The following ZBTB40 variants were observed in gnomAD, a reference collection of about 807,000 sequenced individuals.
ZBTB40 encodes the protein zinc finger and BTB domain-containing protein 40.
A neutral mutation model predicts 117.5 loss-of-function variants in ZBTB40; 60 were observed. The observed-to-expected ratio is 0.51, with a 90% CI of 0.41 to 0.63. The LOEUF (loss-of-function observed/expected upper bound fraction) is 0.63. ZBTB40 is among the 30% of genes least tolerant of loss of function. The pLI, the probability that ZBTB40 is intolerant of heterozygous loss-of-function variation, is 0.00. For synonymous variants in ZBTB40, 525 were observed against 577.1 expected (o/e 0.91, Z 1.29); for missense variants, 1,287 against 1,498.5 (o/e 0.86, Z 2.33).
At chr1:22,454,853 C>T (rs1326930699) in intron 1 of ZBTB40, among the ~76,000 whole-genome samples, 1 of 152,216 alleles carries the variant, frequency 6.6e-6, no homozygotes, top group Non-Finnish European at 1.5e-5. Context: ...GTTGTTGTTA[C>T]ACATATTGCT....
At chr1:22,458,581 C>T (rs1270444949) in intron 1 of ZBTB40, among the ~76,000 whole-genome samples, 2 of 152,220 alleles carry the variant, frequency 1.3e-5, no homozygotes, top group African/African-American at 4.8e-5. Flanking sequence ...TTCTGTTATT[C>T]CTTTTTTCCT....
In ZBTB40 at chr1:22,503,401, G is replaced by A. The variant is rs182603448; in HGVS notation, c.1167+960G>A. ...TGTTGGTGTTATTGATTTCAACTTT[G>A]TGCTAAAAATACTTTTATATCTGGA... On this transcript the variant is annotated intron_variant, in intron 5 of 17. Transcript: ENST00000375647. Among the ~76,000 whole-genome samples the A allele has an allele frequency of 2.5e-3, 380 of 151,282 alleles. 1 individual carries two copies. The highest frequency in any genetic ancestry group is 4.0e-3 in the Non-Finnish European group (272 of 67,878).
At chr1:22,490,827 AAC>A (rs1211140994) in intron 2 of ZBTB40, among the ~76,000 whole-genome samples, 182 bp downstream of exon 2, 1 of 152,212 alleles carries the variant, frequency 6.6e-6, no homozygotes, top group Admixed American at 6.5e-5. Flanking sequence ...TCCAAACATG[AAC>A]TACAGAGCAG....
rs191003224 is a variant in ZBTB40, at chr1:22,507,908, T to C, written c.1361-93T>C. The C allele has an allele frequency of 2.7e-4, 437 of 1,592,824 alleles. 7 individuals carry two copies. In the East Asian group the frequency reaches 9.6e-3, roughly 35 times the overall value. On this transcript the variant is annotated intron_variant, in intron 6 of 17. Coordinates refer to ENST00000375647, the MANE Select transcript of ZBTB40 (RefSeq NM_014870.4). ...AGAGGACACTGAGCCCTTGTGCTGA[T>C]TGCTCTCTTCCTCTCTCATTGGTAA...
At position 22,490,164 on chromosome 1, in the gene ZBTB40, G is replaced by A. The variant is rs761051818; in HGVS notation, c.216G>A (p.Ala72=). The A allele has an allele frequency of 5.0e-6, 8 of 1,614,154 alleles. No homozygotes were observed. Among genetic ancestry groups the A allele is most frequent in the East Asian group, 2.2e-5 (1 of 44,892 alleles). ...CTGTGGTGAGCCCCGAGGAGTTTGC[G>A]CTCTTGTTGGAAATGATGTACACGG... is the stretch of plus-strand genomic sequence containing the variant. ...DASVVSPEEF[A]LLLEMMYTGK... The change falls in exon 2 of 18, where the codon GCG becomes GCA. Residue 72 remains alanine (A), a synonymous_variant. Coordinates refer to ENST00000375647, the MANE Select transcript of ZBTB40 (RefSeq NM_014870.4).
At chr1:22,441,120 G>T (rs966459460) in intron 1 of ZBTB40, among the ~76,000 whole-genome samples, 2 of 152,082 alleles carry the variant, frequency 1.3e-5, no homozygotes, top group Non-Finnish European at 2.9e-5. Context: ...GCTTTTCTTT[G>T]TCAGGATATT....
rs1639694937 is a variant in ZBTB40 at position 22,526,902 on chromosome 1, C to T, written c.*506C>T. 1.2e-5 allele frequency: 3 copies of T among 242,116 alleles called. No individual in the cohort carries two copies. Among genetic ancestry groups the T allele is most frequent in the Middle Eastern group, 1.5e-3 (1 of 678 alleles). 15.0% of individuals were successfully genotyped at this position (242,116 alleles called of 1,614,324 possible). ...GGGGACCTTAGGCCCCTTCCTGAGGCACACTTGGCCCCTTCCTCGGTCCTA... is the reference window on the plus strand; with the variant it reads ...GGGGACCTTAGGCCCCTTCCTGAGGTACACTTGGCCCCTTCCTCGGTCCTA... On this transcript the variant is annotated 3_prime_UTR_variant, in exon 18 of 18. Transcript: ENST00000375647.
At chr1:22,473,547 C>G (rs562208160) in intron 1 of ZBTB40, among the ~76,000 whole-genome samples, 9 of 152,032 alleles carry the variant, frequency 5.9e-5, no homozygotes, top group Non-Finnish European at 1.2e-4. Flanking sequence ...AAATAATATT[C>G]TAGTATTATT....
chr1:22,507,170 T>A (rs867634758), intron 6 of ZBTB40, among the ~76,000 whole-genome samples: 2 of 152,252 alleles, frequency 1.3e-5, no homozygotes, highest in African/African-American at 2.4e-5. Flanking sequence ...TGCACCATTC[T>A]GTAGCTGTAA....
At chr1:22,520,301 C>G in intron 14 of ZBTB40, 26 bp downstream of exon 14, 2 of 1,585,492 alleles carry the variant, frequency 1.3e-6, no homozygotes, top group Non-Finnish European at 1.7e-6. Flanking sequence ...ACTGGGAGCT[C>G]TTCCCCTCAC....
chr1:22,467,776 GTTT>G (rs35900750), intron 1 of ZBTB40, among the ~76,000 whole-genome samples: 95 of 130,424 alleles, frequency 7.3e-4, no homozygotes, highest in Middle Eastern at 3.9e-3. Flanking sequence ...TGTCAGGCCT[GTTT>G]TTTTTTTTTT....
At chr1:22,450,677 C>A (rs992343912), upstream of ZBTB40, among the ~76,000 whole-genome samples, 1 of 152,148 alleles carries the variant, frequency 6.6e-6, no homozygotes, top group African/African-American at 2.4e-5. Flanking sequence ...ATGACGGTAG[C>A]TGCATGTCAG....
intron 13 of ZBTB40, 92 bp downstream of exon 13, chr1:22,517,556 C>G: frequency 6.7e-7 from 1 of 1,482,276 alleles, no homozygotes; most frequent in Non-Finnish European, 9.1e-7. Flanking sequence ...CCATCAGACC[C>G]AAGCTCCATT....
At chr1:22,516,942 G>A (rs563531053) in intron 12 of ZBTB40, among the ~76,000 whole-genome samples, 2 of 152,112 alleles carry the variant, frequency 1.3e-5, no homozygotes, top group Non-Finnish European at 2.9e-5. Flanking sequence ...TGTGTATGTC[G>A]CCAGGGGATC....
chr1:22,441,283 C>G (rs573670707), intron 1 of ZBTB40, among the ~76,000 whole-genome samples: 4 of 152,078 alleles, frequency 2.6e-5, no homozygotes, highest in African/African-American at 9.6e-5. Flanking sequence ...TTGTAGTACT[C>G]TCTTATACTC....
chr1:22,507,458 A>G (rs1639101646), intron 6 of ZBTB40, among the ~76,000 whole-genome samples: 1 of 152,230 alleles, frequency 6.6e-6, no homozygotes, highest in South Asian at 2.1e-4. Context: ...TGAGCTAAAG[A>G]AAAGGGTACA....
upstream of ZBTB40, among the ~76,000 whole-genome samples, chr1:22,449,442 A>G (rs1183280366): frequency 6.6e-6 from 1 of 152,222 alleles, no homozygotes; most frequent in East Asian, 1.9e-4. Flanking sequence ...TATCATGACC[A>G]GCCAGAAGCC....
chr1:22,447,652 A>G (rs1640804984), upstream of ZBTB40, among the ~76,000 whole-genome samples: 1 of 152,188 alleles, frequency 6.6e-6, no homozygotes. Context: ...AAGGCGAGGG[A>G]TTCATAGGGT....
At chr1:22,434,813 A>T (rs1172702856) in intron 1 of ZBTB40, among the ~76,000 whole-genome samples, 1 of 152,164 alleles carries the variant, frequency 6.6e-6, no homozygotes, top group Admixed American at 6.5e-5. Flanking sequence ...GCTTTAAAAT[A>T]TAGTTTAATA....
Sources: gnomAD v4.1 joint callset for allele counts (sites outside exome capture counted in the v4.1 genomes callset) on GRCh38, gnomAD v4.1.1 for gene constraint, MANE v1.5 for transcripts, NCBI Gene and HGNC (gene_info 2026-07-23, HGNC 2026-07-21) for gene names.